PRXL2A: variants seen among roughly 807,000 people sequenced by gnomAD.
PRXL2A encodes the protein peroxiredoxin like 2A.
PRXL2A carries 26 observed loss-of-function variants against 25.6 expected under a neutral mutation model. That is an observed-to-expected ratio of 1.02 (90% confidence interval 0.74 to 1.41). PRXL2A has a LOEUF of 1.41. Ranked by LOEUF, PRXL2A falls within the 40% of genes most tolerant of loss-of-function variation. The pLI is 0.00. For missense variants in PRXL2A, 246 were observed against 273.9 expected (o/e 0.90, Z 0.72); for synonymous variants, 98 against 102.9 (o/e 0.95, Z 0.29).
chr10:80,427,201 G>T, intron 4 of PRXL2A, 131 bp from the exon 5 acceptor site: 1 of 693,976 alleles, frequency 1.4e-6, no homozygotes, highest in African/African-American at 1.8e-5. Context: ...GTGTTGGGTG[G>T]GAGAGAAGAC....
chr10:80,413,586 C>T (rs977528204), intron 1 of PRXL2A, among the ~76,000 whole-genome samples: 4 of 152,236 alleles, frequency 2.6e-5, no homozygotes, highest in Non-Finnish European at 5.9e-5. Flanking sequence ...TCTGGTGGCA[C>T]TTGGGAAATG....
At position 80,409,177 on chromosome 10, in the gene PRXL2A, C is replaced by G. The variant is rs187896274; in HGVS notation, c.-3+534C>G. 299 of 624,558 alleles carry G rather than the reference C, an allele frequency of 4.8e-4. 2 individuals are homozygous for G. The African/African-American group carries it at 5.7e-3, about 12-fold the overall frequency. 38.7% of individuals were successfully genotyped at this position (624,558 alleles called of 1,614,324 possible). On this transcript the variant is annotated intron_variant, in intron 1 of 5. Transcript: ENST00000606162. ...CAGCGTTTCGGAGGCACCTGTTCCC[C>G]CTCTTTCCCAAGAGTCACAAACGCC...
At position 80,436,644 on chromosome 10, in the gene PRXL2A, T is replaced by A. The variant is rs908845352; in HGVS notation, c.*4545T>A. ...TGACCTTCTCCTGCCCTCTTGTTTC[T>A]GGCTTTTCATTCTCCCCCAAGGCTA... On this transcript the variant is annotated 3_prime_UTR_variant, in exon 6 of 6. Coordinates refer to ENST00000606162, the MANE Select transcript of PRXL2A (RefSeq NM_032333.5). The A allele has an allele frequency of 6.6e-6, 1 of 152,236 alleles. No homozygotes were observed. The highest frequency in any genetic ancestry group is 6.5e-5 in the Admixed American group (1 of 15,274). The allele number at this position is 152,236 out of a possible 1,614,324, so 9.4% of individuals were successfully genotyped here. A position where few individuals can be genotyped will look rare whatever the true frequency, so the allele number is the denominator to read the frequency against.
chr10:80,432,194 C>A lies in PRXL2A; in HGVS notation c.*95C>A, dbSNP rs1459847863. On this transcript the variant is annotated 3_prime_UTR_variant, in exon 6 of 6. Transcript: ENST00000606162. ...ACTCGTGTCCCTAAGGAGTGAGAAA[C>A]CCATTTATACTCTACTCTCAGTATG... The A allele has an allele frequency of 1.1e-5, 8 of 706,806 alleles. No homozygotes were observed. Among genetic ancestry groups the A allele is most frequent in the South Asian group, 3.7e-5 (2 of 54,492 alleles). The allele number at this position is 706,806 out of a possible 1,614,324, so 43.8% of individuals were successfully genotyped here. A position where few individuals can be genotyped will look rare whatever the true frequency, so the allele number is the denominator to read the frequency against.
chr10:80,413,953 A>AT, intron 1 of PRXL2A: 4 of 934,472 alleles, frequency 4.3e-6, no homozygotes, highest in Non-Finnish European at 5.5e-6. Flanking sequence ...GTTGCCTTGT[A>AT]TAGGAAAGAG....
intron 5 of PRXL2A, among the ~76,000 whole-genome samples, 169 bp downstream of exon 5, chr10:80,427,665 C>G (rs1362713693): frequency 2.0e-5 from 3 of 152,198 alleles, no homozygotes; most frequent in African/African-American, 7.2e-5. Flanking sequence ...TGTTGTTTAT[C>G]ACACATCATT....
chr10:80,431,107 A>G (rs1168856501), intron 5 of PRXL2A, among the ~76,000 whole-genome samples: 5 of 152,202 alleles, frequency 3.3e-5, no homozygotes, highest in Non-Finnish European at 7.3e-5. Context: ...CGTGTTGGCC[A>G]GGCTGGTCTT....
chr10:80,428,081 G>A (rs944862011), intron 5 of PRXL2A, among the ~76,000 whole-genome samples: 18 of 152,188 alleles, frequency 1.2e-4, no homozygotes, highest in Admixed American at 7.9e-4. Context: ...GCGGGGAGAC[G>A]ATGCTTTTTT....
In PRXL2A at chr10:80,432,196, C is replaced by T. The variant is rs1845286584; in HGVS notation, c.*97C>T. 10 of 699,438 alleles carry T rather than the reference C, an allele frequency of 1.4e-5. No homozygotes were observed. In the South Asian group the frequency reaches 1.7e-4, roughly 12 times the overall value. The allele number at this position is 699,438 out of a possible 1,614,324, so 43.3% of individuals were successfully genotyped here. The stretch of plus-strand genomic sequence containing the variant: ...TCGTGTCCCTAAGGAGTGAGAAACC[C>T]ATTTATACTCTACTCTCAGTATGGA... On this transcript the variant is annotated 3_prime_UTR_variant, in exon 6 of 6. Transcript: ENST00000606162.
chr10:80,425,595 C>G (rs575987279), intron 3 of PRXL2A, among the ~76,000 whole-genome samples: 2 of 152,072 alleles, frequency 1.3e-5, no homozygotes, highest in Non-Finnish European at 2.9e-5. Context: ...GCTAGAGGAG[C>G]GTGTGTCTGC....
At chr10:80,415,119 C>G (rs1193745349) in intron 1 of PRXL2A, among the ~76,000 whole-genome samples, 1 of 152,198 alleles carries the variant, frequency 6.6e-6, no homozygotes, top group Non-Finnish European at 1.5e-5. Context: ...GTGCTTCTCT[C>G]TGGCACAAGA....
chr10:80,413,551 T>C (rs527740239), intron 1 of PRXL2A, among the ~76,000 whole-genome samples: 1 of 152,360 alleles, frequency 6.6e-6, no homozygotes, highest in East Asian at 1.9e-4. Context: ...TTTGCTTCTT[T>C]AGTCTGCACC....
intron 3 of PRXL2A, among the ~76,000 whole-genome samples, chr10:80,424,605 C>T (rs934185481): frequency 5.3e-5 from 8 of 151,334 alleles, no homozygotes; most frequent in African/African-American, 1.9e-4. Context: ...GTGGCTCACA[C>T]CTGTACTCCC....
At chr10:80,424,946 G>A (rs1400583216) in intron 3 of PRXL2A, among the ~76,000 whole-genome samples, 1 of 152,130 alleles carries the variant, frequency 6.6e-6, no homozygotes. Context: ...CTCTGCTCTA[G>A]GGCAAAATTT....
intron 1 of PRXL2A, among the ~76,000 whole-genome samples, chr10:80,415,248 C>T (rs78904925): frequency 0.027 from 4,109 of 152,306 alleles, 138 homozygotes; most frequent in South Asian, 0.14. Context: ...GTCCACTGCC[C>T]CAGAGGGCTG....
chr10:80,418,824 C>G (rs548237651), intron 1 of PRXL2A, among the ~76,000 whole-genome samples: 51 of 152,262 alleles, frequency 3.3e-4, no homozygotes, highest in African/African-American at 1.2e-3. Context: ...AGCTCCCACC[C>G]ACAGGCACAA....
At chr10:80,422,580 C>A in intron 3 of PRXL2A, 72 bp downstream of exon 3, 2 of 1,230,710 alleles carry the variant, frequency 1.6e-6, no homozygotes, top group Non-Finnish European at 2.4e-6. Flanking sequence ...CCGGCCAGAA[C>A]CAAGGGTCGG....
At chr10:80,409,626 G>A (rs980642493) in intron 1 of PRXL2A, among the ~76,000 whole-genome samples, 6 of 152,172 alleles carry the variant, frequency 3.9e-5, no homozygotes, top group African/African-American at 1.4e-4. Context: ...TCCTGCTCGG[G>A]CCCAGCTTTG....
At chr10:80,420,075 A>T in intron 1 of PRXL2A, 1 of 987,322 alleles carries the variant, frequency 1.0e-6, no homozygotes, top group Non-Finnish European at 1.2e-6. Flanking sequence ...GTGAGGGAGA[A>T]TCAGGCATTG....
Sources: gnomAD v4.1 joint callset for allele counts (sites outside exome capture counted in the v4.1 genomes callset) on GRCh38, gnomAD v4.1.1 for gene constraint, MANE v1.5 for transcripts, NCBI Gene and HGNC (gene_info 2026-07-23, HGNC 2026-07-21) for gene names.